DDX50: variants seen among roughly 807,000 people sequenced by gnomAD.
DDX50 encodes ATP-dependent RNA helicase DDX50.
DDX50 carries 56 observed loss-of-function variants against 94.8 expected under a neutral mutation model. That is an observed-to-expected ratio of 0.59 (90% CI 0.48 to 0.74). DDX50 has a LOEUF of 0.74. DDX50 is among the 30% of genes least tolerant of loss of function. The pLI is 0.00. For missense variants in DDX50, 713 were observed against 881.2 expected (o/e 0.81, Z 2.42); for synonymous variants, 264 against 295.4 (o/e 0.89, Z 1.09).
intron 1 of DDX50, among the ~76,000 whole-genome samples, chr10:68,902,550 C>T (rs1287617537): frequency 6.6e-6 from 1 of 152,182 alleles, no homozygotes; most frequent in Non-Finnish European, 1.5e-5. Context: ...TTGCAGCTGT[C>T]ACCATCATCC....
At position 68,913,263 on chromosome 10, in the gene DDX50, A is replaced by G. The variant is rs778604422; in HGVS notation, c.741A>G (p.Thr247=). 2 of 1,612,766 alleles carry G rather than the reference A, an allele frequency of 1.2e-6. No homozygotes were observed. The highest frequency in any genetic ancestry group is 8.5e-7 in the Non-Finnish European group (1 of 1,179,716). Residue 247 remains threonine, a synonymous_variant, in exon 5 of 15, where the codon ACA becomes ACG. Transcript: ENST00000373585. ...GCGTGGCGTGTTTTTATGGTGGAAC[A>G]TCATATCAAAGCCAAAGTGAGTAAA... The part of the protein sequence containing the change: ...KLSVACFYGG[T]SYQSQINHIR...
intron 6 of DDX50, 54 bp from the exon 7 acceptor site, chr10:68,914,005 G>A (rs1055158760): frequency 1.3e-5 from 19 of 1,466,632 alleles, no homozygotes; most frequent in African/African-American, 4.4e-5. Context: ...TTTTAAGAGC[G>A]GGCTACATCG....
chr10:68,901,577 C>G lies in DDX50; in HGVS notation c.87+106C>G, dbSNP rs939077308. ...CCTGTCAGAACCGGGCCGGAGCATC[C>G]GAGGGCCTCCCTTCGCGCCGCCCTC... is the stretch of plus-strand genomic sequence containing the variant. On this transcript the variant is annotated intron_variant, in intron 1 of 14. Coordinates refer to ENST00000373585, the MANE Select transcript of DDX50 (RefSeq NM_024045.2). The G allele has an allele frequency of 4.1e-6, 5 of 1,210,482 alleles. No individual in the cohort carries two copies. In the Admixed American group the frequency reaches 1.4e-4, roughly 34 times the overall value. 75.0% of individuals were successfully genotyped at this position (1,210,482 alleles called of 1,614,324 possible). A position where few individuals can be genotyped will look rare whatever the true frequency, so the allele number is the denominator to read the frequency against.
intron 8 of DDX50, among the ~76,000 whole-genome samples, chr10:68,921,940 A>G (rs1043790184): frequency 2.6e-5 from 4 of 152,100 alleles, no homozygotes; most frequent in Non-Finnish European, 4.4e-5. Context: ...ACTAGAATAT[A>G]TTTTGGTGGT....
At chr10:68,905,597 C>T (rs1421820993) in intron 1 of DDX50, among the ~76,000 whole-genome samples, 3 of 152,166 alleles carry the variant, frequency 2.0e-5, no homozygotes, top group African/African-American at 7.2e-5. Flanking sequence ...CCTCTTACAA[C>T]TTCTGTTTCC....
chr10:68,902,190 C>CA (rs35302047), intron 1 of DDX50, among the ~76,000 whole-genome samples: 36,381 of 94,122 alleles, frequency 0.39, 7,048 homozygotes, highest in Non-Finnish European at 0.47. Flanking sequence ...CCCTGCCCTC[C>CA]AAAAAAAAAA....
intron 12 of DDX50, among the ~76,000 whole-genome samples, chr10:68,940,517 T>C (rs1842531329): frequency 6.6e-6 from 1 of 151,996 alleles, no homozygotes; most frequent in Non-Finnish European, 1.5e-5. Context: ...CCTCCTGGGC[T>C]CCTGGGCTCA....
chr10:68,919,784 A>T (rs1196182155), intron 7 of DDX50, 48 bp from the exon 8 acceptor site: 4 of 1,594,408 alleles, frequency 2.5e-6, no homozygotes, highest in East Asian at 4.5e-5. Flanking sequence ...GAAATATTTT[A>T]AAATAATTTT....
chr10:68,940,727 G>A (rs780543416), intron 12 of DDX50, among the ~76,000 whole-genome samples: 11 of 151,982 alleles, frequency 7.2e-5, no homozygotes, highest in East Asian at 1.9e-4. Flanking sequence ...CAAGGTTTTC[G>A]TTCCAAGCTG....
rs766916016 is a variant in DDX50, at chr10:68,911,066, A to T, written c.461-2A>T. On this transcript the variant is annotated splice_acceptor_variant, in intron 3 of 14. Transcript: ENST00000373585. LOFTEE classifies it high-confidence loss of function. ...GTATTTTAATTAAATCTCATTTTAC[A>T]GGTCGAGGGGTAACATATCTCTTTC... 6.7e-7 allele frequency: 1 copy of T among 1,492,730 alleles called. No homozygotes were observed. The highest frequency in any genetic ancestry group is 8.9e-7 in the Non-Finnish European group (1 of 1,121,758). 92.5% of individuals were successfully genotyped at this position (1,492,730 alleles called of 1,614,324 possible). A position where few individuals can be genotyped will look rare whatever the true frequency, so the allele number is the denominator to read the frequency against.
intron 1 of DDX50, among the ~76,000 whole-genome samples, chr10:68,904,692 C>T (rs1026376030): frequency 1.8e-4 from 27 of 152,200 alleles, no homozygotes; most frequent in Non-Finnish European, 2.9e-5. Flanking sequence ...CGAGAGGTCT[C>T]CTTTTGCCTT....
chr10:68,901,365 G>T lies in DDX50; in HGVS notation c.-20G>T. 1 of 1,530,488 alleles carries T rather than the reference G, an allele frequency of 6.5e-7. No individual in the cohort carries two copies. Among genetic ancestry groups the T allele is most frequent in the Non-Finnish European group, 8.8e-7 (1 of 1,136,632 alleles). The allele number at this position is 1,530,488 out of a possible 1,614,324, so 94.8% of individuals were successfully genotyped here. On this transcript the variant is annotated 5_prime_UTR_variant, in exon 1 of 15. Transcript: ENST00000373585. The stretch of plus-strand genomic sequence containing the variant: ...GTGGTTGTGGCCACTGTGCCCGGAG[G>T]GAGGCGGCGGTGGCCAGTAATGCCT...
At chr10:68,916,514 A>G (rs1252868117) in intron 7 of DDX50, among the ~76,000 whole-genome samples, 1 of 152,128 alleles carries the variant, frequency 6.6e-6, no homozygotes, top group East Asian at 1.9e-4. Context: ...ATTGAATAGT[A>G]TAAAGAACAT....
rs1841281917 is a variant in DDX50 at position 68,901,411 on chromosome 10, C to T, written c.27C>T (p.Asp9=). The change falls in exon 1 of 15, where the codon GAC becomes GAT. Residue 9 remains aspartate (D), a synonymous_variant. Coordinates refer to ENST00000373585, the MANE Select transcript of DDX50 (RefSeq NM_024045.2). MPGKLLWG[D]IMELEAPLEE... The stretch of plus-strand genomic sequence containing the variant: ...TGCCTGGGAAACTCCTCTGGGGGGA[C>T]ATTATGGAGCTGGAAGCACCCTTGG... 1.3e-6 allele frequency: 2 copies of T among 1,570,264 alleles called. No homozygotes were observed. Among genetic ancestry groups the T allele is most frequent in the East Asian group, 4.8e-5 (2 of 41,838 alleles).
At chr10:68,932,902 C>G (rs1842307844) in intron 8 of DDX50, among the ~76,000 whole-genome samples, 1 of 151,986 alleles carries the variant, frequency 6.6e-6, no homozygotes, top group Non-Finnish European at 1.5e-5. Context: ...TTTTATAATA[C>G]AGTTTTTTAA....
intron 13 of DDX50, 113 bp downstream of exon 13, chr10:68,941,307 T>G (rs1842548306): frequency 7.5e-7 from 1 of 1,342,274 alleles, no homozygotes; most frequent in Admixed American, 2.7e-5. Flanking sequence ...ATAATGCTGT[T>G]TTTTCTCTGT....
Position 68,914,415 on chromosome 10 carries a change from A to G in DDX50, c.1089+211A>G, listed in dbSNP as rs375672194. Among the ~76,000 whole-genome samples the G allele has an allele frequency of 3.3e-4, 51 of 152,328 alleles. No individual in the cohort carries two copies. The South Asian group carries it at 0.01, about 30-fold the overall frequency. ...AAAAGCACGTGAATAGGCAAGTCCT[A>G]ATAGGAAACACACAAGCAGCCATAG... On this transcript the variant is annotated intron_variant, in intron 7 of 14. Transcript: ENST00000373585.
At chr10:68,944,329 C>T (rs1842616339) in intron 14 of DDX50, among the ~76,000 whole-genome samples, 1 of 151,996 alleles carries the variant, frequency 6.6e-6, no homozygotes, top group African/African-American at 2.4e-5. Flanking sequence ...GTATACTTTA[C>T]TGTGTAAAGT....
intron 1 of DDX50, chr10:68,906,433 C>T: frequency 3.5e-6 from 1 of 289,022 alleles, no homozygotes; most frequent in Non-Finnish European, 6.4e-6. Context: ...GTCTTTCTTT[C>T]CCTGAGGAGA....
Sources: allele counts gnomAD v4.1 joint callset (sites outside exome capture counted in the v4.1 genomes callset), GRCh38; gene constraint gnomAD v4.1.1; transcripts MANE v1.5; gene names NCBI Gene and HGNC (gene_info 2026-07-23, HGNC 2026-07-21).